IMMP2L: variants seen among roughly 807,000 people sequenced by gnomAD.
IMMP2L encodes inner mitochondrial membrane peptidase subunit 2, also known as mitochondrial inner membrane protease subunit 2.
Under a neutral mutation model 19.3 loss-of-function variants are expected in IMMP2L, and 18 were observed. The ratio of observed to expected loss-of-function variants is 0.93; its 90% CI spans 0.64 to 1.38. IMMP2L has a LOEUF of 1.38. Among genes scored for constraint, IMMP2L ranks in the 40% most tolerant of loss-of-function variants. IMMP2L has a pLI of 0.00. For missense variants in IMMP2L, 233 were observed against 218.2 expected, an observed-to-expected ratio of 1.07 and a Z score of -0.43; for synonymous variants, 76 against 73.0, an observed-to-expected ratio of 1.04 and a Z score of -0.21.
rs565190058 is a variant in IMMP2L at position 111,557,384 on chromosome 7, A to G, written c.-3+4467T>C. ...GAAGTGTACCCTGAACTGGCTAACCAGTTTCATCTCCTTTCACTCCTGACC... is the reference window on the plus strand; with the variant it reads ...GAAGTGTACCCTGAACTGGCTAACCGGTTTCATCTCCTTTCACTCCTGACC... On this transcript the variant is annotated intron_variant, in intron 1 of 5. Coordinates refer to ENST00000405709, the MANE Select transcript of IMMP2L (RefSeq NM_032549.4). Among the ~76,000 whole-genome samples the G allele has an allele frequency of 8.5e-5, 13 of 152,298 alleles. 1 individual carries two copies. The East Asian group carries it at 2.3e-3, about 27-fold the overall frequency.
At chr7:111,221,335 T>C (rs1429105084) in intron 3 of IMMP2L, among the ~76,000 whole-genome samples, 1 of 152,048 alleles carries the variant, frequency 6.6e-6, no homozygotes. Flanking sequence ...AAATATGTAT[T>C]AGAAAGCATT....
chr7:111,302,825 C>A lies in IMMP2L; in HGVS notation c.239+184413G>T, dbSNP rs1822413192. ...ATTGCCATATAAGGAAAGGGTATGA[C>A]ATAGAATACACCTGAAAGAGAGTTT... On this transcript the variant is annotated intron_variant, in intron 3 of 5. Coordinates refer to ENST00000405709, the MANE Select transcript of IMMP2L (RefSeq NM_032549.4). Among the ~76,000 whole-genome samples, 3 of 152,012 alleles carry A rather than the reference C, an allele frequency of 2.0e-5. 1 individual carries two copies. In the South Asian group the frequency reaches 6.2e-4, roughly 32 times the overall value.
At chr7:110,677,646 T>A (rs1452170026) in intron 5 of IMMP2L, among the ~76,000 whole-genome samples, 1 of 152,064 alleles carries the variant, frequency 6.6e-6, no homozygotes, top group South Asian at 2.1e-4. Context: ...GAATGAGGTA[T>A]GTGAGCATCA....
intron 3 of IMMP2L, among the ~76,000 whole-genome samples, chr7:111,060,272 C>G (rs1215184256): frequency 1.3e-5 from 2 of 152,212 alleles, no homozygotes; most frequent in Non-Finnish European, 2.9e-5. Flanking sequence ...TACCACCACT[C>G]AAGTTTTAAA....
Position 111,521,423 on chromosome 7 carries a change from T to C in IMMP2L, c.25A>G (p.Lys9Glu), listed in dbSNP as rs755148332. 3 of 1,612,588 alleles carry C rather than the reference T, an allele frequency of 1.9e-6. No individual in the cohort carries two copies. In the African/African-American group the frequency reaches 4.0e-5, roughly 22 times the overall value. Residue 9 changes from lysine (K) to glutamate (E), a missense_variant, in exon 2 of 6, where the codon AAA becomes GAA. Transcript: ENST00000405709. MAQSQGWV[K>E]RYIKAFCKGF... ...TTACAAAAGGCCTTGATGTATCTTT[T>C]CACCCACCCTTGTGACTGTGCCATA...
chr7:110,852,772 C>A (rs1159624871), intron 5 of IMMP2L, among the ~76,000 whole-genome samples: 1 of 151,942 alleles, frequency 6.6e-6, no homozygotes, highest in African/African-American at 2.4e-5. Flanking sequence ...CCAATAGAAA[C>A]CCCGGCCACA....
At chr7:110,952,210 CT>C (rs1423995173) in intron 4 of IMMP2L, among the ~76,000 whole-genome samples, 1 of 152,116 alleles carries the variant, frequency 6.6e-6, no homozygotes, top group African/African-American at 2.4e-5. Context: ...CTCTATATCA[CT>C]ACTTGGAGTT....
At chr7:111,368,169 A>G (rs1433022825) in intron 3 of IMMP2L, among the ~76,000 whole-genome samples, 1 of 151,908 alleles carries the variant, frequency 6.6e-6, no homozygotes, top group Admixed American at 6.6e-5. Flanking sequence ...CCAGCACAAT[A>G]GAATTATCAG....
At position 111,559,195 on chromosome 7, in the gene IMMP2L, T is replaced by C. The variant is rs1331754116; in HGVS notation, c.-3+2656A>G. Among the ~76,000 whole-genome samples, 8 of 152,282 alleles carry C rather than the reference T, an allele frequency of 5.3e-5. No individual in the cohort carries two copies. The East Asian group carries it at 1.4e-3, about 26-fold the overall frequency. On this transcript the variant is annotated intron_variant, in intron 1 of 5. Coordinates refer to ENST00000405709, the MANE Select transcript of IMMP2L (RefSeq NM_032549.4). The stretch of plus-strand genomic sequence containing the variant: ...TACTCCTCAGTAAAGTGAAACCAGA[T>C]GTCTGGTGTGAAATCAGATGTCTGT...
intron 3 of IMMP2L, chr7:111,390,799 T>C (rs1298987040): frequency 2.6e-5 from 4 of 152,122 alleles, no homozygotes; most frequent in Non-Finnish European, 4.4e-5. Flanking sequence ...GAAGAAATTA[T>C]GGAACTGCAG....
chr7:111,122,598 A>G, intron 3 of IMMP2L: 1 of 588,400 alleles, frequency 1.7e-6, no homozygotes, highest in Non-Finnish European at 3.0e-6. Context: ...ACATTTTTGG[A>G]CAATGCAATT....
At chr7:110,974,798 T>G (rs893307732) in intron 3 of IMMP2L, among the ~76,000 whole-genome samples, 4 of 152,194 alleles carry the variant, frequency 2.6e-5, no homozygotes, top group Admixed American at 2.6e-4. Flanking sequence ...GACACTTATT[T>G]TCAGATATTA....
rs1218434499 is a variant in IMMP2L at position 110,980,227 on chromosome 7, C to CTTTTTTT, written c.240-16669_240-16663dup. Among the ~76,000 whole-genome samples, 351 of 91,882 alleles carry CTTTTTTT rather than the reference C, an allele frequency of 3.8e-3. 35 individuals are homozygous for CTTTTTTT. Among genetic ancestry groups the CTTTTTTT allele is most frequent in the Non-Finnish European group, 4.8e-3 (237 of 48,904 alleles). The allele number at this position is 91,882 out of a possible 152,430, so 60.3% of individuals were successfully genotyped here. A position where few individuals can be genotyped will look rare whatever the true frequency, so the allele number is the denominator to read the frequency against. ...TTATATGACTGTATTTGTGCTGCTTCTTTTTTTTTTTTTTTTTTTTTTAGG... is the reference window on the plus strand; with the variant it reads ...TTATATGACTGTATTTGTGCTGCTTCTTTTTTTTTTTTTTTTTTTTTTTTTTTTTAGG... On this transcript the variant is annotated intron_variant, in intron 3 of 5. Transcript: ENST00000405709.
At chr7:110,828,439 T>C (rs1307724519) in intron 5 of IMMP2L, among the ~76,000 whole-genome samples, 2 of 152,154 alleles carry the variant, frequency 1.3e-5, no homozygotes, top group Non-Finnish European at 2.9e-5. Context: ...GCTTGATCAT[T>C]CTGGCACTCT....
intron 5 of IMMP2L, among the ~76,000 whole-genome samples, chr7:110,689,892 T>C (rs1008128695): frequency 2.6e-5 from 4 of 152,212 alleles, no homozygotes; most frequent in South Asian, 2.1e-4. Context: ...TGTGCTCTAA[T>C]TTCTCGGTTT....
intron 3 of IMMP2L, among the ~76,000 whole-genome samples, chr7:111,294,885 TAC>T (rs1821462193): frequency 6.6e-6 from 1 of 151,962 alleles, no homozygotes; most frequent in Non-Finnish European, 1.5e-5. Context: ...GGGTATTTCT[TAC>T]CCCAGCTAAG....
intron 5 of IMMP2L, among the ~76,000 whole-genome samples, chr7:110,719,227 CTGT>C (rs1795422955): frequency 6.6e-6 from 1 of 152,188 alleles, no homozygotes; most frequent in South Asian, 2.1e-4. Context: ...AAGTCAATGA[CTGT>C]TGTTACAAAT....
chr7:111,081,328 C>A lies in IMMP2L; in HGVS notation c.240-117763G>T, dbSNP rs113096555. On this transcript the variant is annotated intron_variant, in intron 3 of 5. Coordinates refer to ENST00000405709, the MANE Select transcript of IMMP2L (RefSeq NM_032549.4). ...TAAAAACAAACAAACAAAAGACTTT[C>A]TTCTGACAATGCTGTGTTAGTGTTT... is the stretch of plus-strand genomic sequence containing the variant. Among the ~76,000 whole-genome samples the A allele has an allele frequency of 1.7e-3, 260 of 152,306 alleles. 2 individuals are homozygous for A. The highest frequency in any genetic ancestry group is 5.9e-3 in the African/African-American group (247 of 41,576).
chr7:110,744,827 C>T (rs1234752404), intron 5 of IMMP2L, among the ~76,000 whole-genome samples: 1 of 152,110 alleles, frequency 6.6e-6, no homozygotes, highest in Non-Finnish European at 1.5e-5. Flanking sequence ...ATTCCAAAAA[C>T]CAGAATGCTT....
Sources: allele counts gnomAD v4.1 joint callset (sites outside exome capture counted in the v4.1 genomes callset), GRCh38; gene constraint gnomAD v4.1.1; transcripts MANE v1.5; gene names NCBI Gene and HGNC (gene_info 2026-07-23, HGNC 2026-07-21).